PRELID2: variants seen among roughly 807,000 people sequenced by gnomAD.
PRELID2 encodes PRELI domain containing 2, also known as PRELI domain-containing protein 2.
A neutral mutation model predicts 28.4 loss-of-function variants in PRELID2; 25 were observed. The ratio of observed to expected loss-of-function variants is 0.88; its 90% CI spans 0.64 to 1.23. PRELID2 has a LOEUF of 1.23. Among genes scored for constraint, PRELID2 ranks in the 50% most tolerant of loss-of-function variants. The probability of loss-of-function intolerance (pLI) is 0.00; values close to 1 mark genes in which losing one functional copy is unlikely to be tolerated. For synonymous variants in PRELID2, 76 were observed against 71.6 expected (o/e 1.06, Z -0.31); for missense variants, 201 against 214.4 (o/e 0.94, Z 0.39).
intron 1 of PRELID2, among the ~76,000 whole-genome samples, chr5:145,518,288 C>T (rs964851925): frequency 2.0e-5 from 3 of 152,034 alleles, no homozygotes; most frequent in African/African-American, 7.2e-5. Flanking sequence ...CAACCTCTGC[C>T]TCCCAGGTTC....
At chr5:145,450,112 C>A in the PRELID2 span, among the ~76,000 whole-genome samples, 1 of 152,122 alleles carries the variant, frequency 6.6e-6, no homozygotes, top group Non-Finnish European at 1.5e-5. Flanking sequence ...AACATGGAAA[C>A]CTAATACTCC....
At chr5:145,368,764 G>C in the PRELID2 span, among the ~76,000 whole-genome samples, 1 of 151,112 alleles carries the variant, frequency 6.6e-6, no homozygotes, top group Non-Finnish European at 1.5e-5. Flanking sequence ...TCAATGGTAA[G>C]GTTTTAATGC....
chr5:145,299,635 ATG>A, the PRELID2 span, among the ~76,000 whole-genome samples: 3 of 107,556 alleles, frequency 2.8e-5, no homozygotes, highest in East Asian at 4.4e-4. Context: ...CTACATATAT[ATG>A]TGTGTGCGTG....
chr5:145,659,448 G>GT (rs1462948960), intron 1 of PRELID2, among the ~76,000 whole-genome samples: 3 of 152,222 alleles, frequency 2.0e-5, no homozygotes, highest in Non-Finnish European at 2.9e-5. Flanking sequence ...TTTACACACA[G>GT]TAGGTGTTCA....
chr5:145,662,834 A>C (rs1754520687), intron 1 of PRELID2, among the ~76,000 whole-genome samples: 2 of 152,106 alleles, frequency 1.3e-5, no homozygotes, highest in Admixed American at 1.3e-4. Context: ...CTCAGCCTCC[A>C]TAACTTAAGA....
chr5:145,395,937 C>T, the PRELID2 span, among the ~76,000 whole-genome samples: 2 of 152,160 alleles, frequency 1.3e-5, no homozygotes, highest in Admixed American at 1.3e-4. Flanking sequence ...TTGCCACAGT[C>T]ATATATCTCC....
At chr5:145,777,491 TG>T (rs1334487086) in intron 5 of PRELID2, among the ~76,000 whole-genome samples, 1 of 152,228 alleles carries the variant, frequency 6.6e-6, no homozygotes, top group Non-Finnish European at 1.5e-5. Flanking sequence ...ATCTTGATCT[TG>T]GGCAAGTCAA....
At chr5:145,725,361 G>C (rs1399393999) in intron 1 of PRELID2, among the ~76,000 whole-genome samples, 9 of 152,144 alleles carry the variant, frequency 5.9e-5, no homozygotes, top group Admixed American at 5.9e-4. Flanking sequence ...GAAATGTAGG[G>C]ATGTAAACCT....
chr5:145,290,624 T>C, the PRELID2 span, among the ~76,000 whole-genome samples: 1 of 138,756 alleles, frequency 7.2e-6, no homozygotes, highest in African/African-American at 2.6e-5. Context: ...GGGGGAGGGA[T>C]AGCATTAGGA....
chr5:145,268,145 G>A, the PRELID2 span, among the ~76,000 whole-genome samples: 18 of 152,142 alleles, frequency 1.2e-4, no homozygotes, highest in East Asian at 3.5e-3. Context: ...TTAACTCGAT[G>A]TGATCCCATT....
the PRELID2 span, among the ~76,000 whole-genome samples, chr5:145,395,656 G>C: frequency 6.6e-6 from 1 of 152,092 alleles, no homozygotes. Context: ...ATAATAATCT[G>C]ATGTTATGCA....
the PRELID2 span, among the ~76,000 whole-genome samples, chr5:145,384,594 A>G: frequency 2.6e-5 from 4 of 152,212 alleles, no homozygotes; most frequent in African/African-American, 9.6e-5. Flanking sequence ...TTCTTGCATT[A>G]CTATAATGAA....
chr5:145,242,412 A>G, the PRELID2 span, among the ~76,000 whole-genome samples: 2 of 151,976 alleles, frequency 1.3e-5, no homozygotes, highest in Non-Finnish European at 2.9e-5. Flanking sequence ...ATGCTCCACA[A>G]TGAGTTTTCT....
chr5:145,352,577 T>C, the PRELID2 span, among the ~76,000 whole-genome samples: 2 of 152,342 alleles, frequency 1.3e-5, no homozygotes, highest in Admixed American at 6.5e-5. Context: ...GTTTCTGACA[T>C]GGCCTGGAGA....
intron 1 of PRELID2, among the ~76,000 whole-genome samples, chr5:145,689,084 A>AAG (rs1755093762): frequency 6.6e-6 from 1 of 152,148 alleles, no homozygotes; most frequent in Non-Finnish European, 1.5e-5. Context: ...AAACAAAGAG[A>AAG]AGAGGTTGGT....
chr5:145,393,748 A>G, the PRELID2 span, among the ~76,000 whole-genome samples: 1 of 152,338 alleles, frequency 6.6e-6, no homozygotes, highest in East Asian at 1.9e-4. Flanking sequence ...CACTGTGTAC[A>G]GAGAAATCTT....
At chr5:145,428,839 C>A in the PRELID2 span, among the ~76,000 whole-genome samples, 5 of 152,138 alleles carry the variant, frequency 3.3e-5, no homozygotes, top group African/African-American at 1.2e-4. Context: ...GGAGGAAGAG[C>A]ATTCCAGGCA....
At chr5:145,337,686 A>AATTAT in the PRELID2 span, among the ~76,000 whole-genome samples, 3 of 79,868 alleles carry the variant, frequency 3.8e-5, no homozygotes, top group African/African-American at 1.5e-4. Context: ...GCATAGGGCA[A>AATTAT]ATATATATAT....
At chr5:145,559,029 C>T (rs372412826) in intron 1 of PRELID2, among the ~76,000 whole-genome samples, 10 of 152,168 alleles carry the variant, frequency 6.6e-5, no homozygotes, top group African/African-American at 9.6e-5. Flanking sequence ...CTGAGACAGG[C>T]GGATCACGAG....
Sources: allele counts gnomAD v4.1 joint callset (sites outside exome capture counted in the v4.1 genomes callset), GRCh38; gene constraint gnomAD v4.1.1; transcripts MANE v1.5; gene names NCBI Gene and HGNC (gene_info 2026-07-23, HGNC 2026-07-21).